RNF135: variants seen among roughly 807,000 people sequenced by gnomAD.
RNF135 encodes the protein ring finger protein 135.
Under a neutral mutation model 41.9 loss-of-function variants are expected in RNF135, and 46 were observed. The ratio of observed to expected loss-of-function variants is 1.10; its 90% CI spans 0.87 to 1.40. RNF135 has a LOEUF of 1.40. RNF135 is among the 40% of genes most tolerant of loss of function. RNF135 has a pLI of 0.00. For synonymous variants in RNF135, 238 were observed against 223.8 expected (o/e 1.06, Z -0.57); for missense variants, 539 against 549.8 (o/e 0.98, Z 0.20).
At chr17:30,985,161 G>A (rs1907498117) in intron 2 of RNF135, among the ~76,000 whole-genome samples, 1 of 152,168 alleles carries the variant, frequency 6.6e-6, no homozygotes, top group Non-Finnish European at 1.5e-5. Context: ...ATCCTTCTCA[G>A]TCTGTTTACA....
upstream of RNF135, chr17:30,971,033 C>T: frequency 6.5e-7 from 1 of 1,532,900 alleles, no homozygotes; most frequent in Non-Finnish European, 8.7e-7. Context: ...GAGACTCGCC[C>T]GGCTCAACCC....
intron 3 of RNF135, among the ~76,000 whole-genome samples, 196 bp downstream of exon 3, chr17:30,988,302 A>G (rs1470803574): frequency 6.6e-6 from 1 of 150,950 alleles, no homozygotes; most frequent in Non-Finnish European, 1.5e-5. Flanking sequence ...TGAAGGTGTG[A>G]TGTATCACAA....
At chr17:30,981,463 T>G in intron 1 of RNF135, among the ~76,000 whole-genome samples, 1 of 152,252 alleles carries the variant, frequency 6.6e-6, no homozygotes, top group East Asian at 1.9e-4. Context: ...TTCTCTGTTA[T>G]CTTGAATGTC....
chr17:30,961,600 C>T, the RNF135 span, among the ~76,000 whole-genome samples: 2 of 151,990 alleles, frequency 1.3e-5, no homozygotes, highest in Non-Finnish European at 2.9e-5. Context: ...GTAGCTGGGA[C>T]CACAGGCACA....
At chr17:30,975,334 A>G in intron 1 of RNF135, 2 of 688,554 alleles carry the variant, frequency 2.9e-6, no homozygotes, top group East Asian at 2.5e-5. Flanking sequence ...CCTTAAAAAA[A>G]TATTGCTACT....
the RNF135 span, among the ~76,000 whole-genome samples, chr17:30,960,472 T>C: frequency 6.6e-6 from 1 of 150,384 alleles, no homozygotes; most frequent in South Asian, 2.1e-4. Flanking sequence ...AAGGCTGAAC[T>C]CCCACTTAAG....
the RNF135 span, among the ~76,000 whole-genome samples, chr17:30,960,849 C>G: frequency 6.6e-6 from 1 of 151,338 alleles, no homozygotes; most frequent in Non-Finnish European, 1.5e-5. Flanking sequence ...ACGCCATTCT[C>G]CTGCCTCAGC....
chr17:30,998,108 G>A (rs1361007447), intron 4 of RNF135, among the ~76,000 whole-genome samples: 1 of 152,204 alleles, frequency 6.6e-6, no homozygotes, highest in Non-Finnish European at 1.5e-5. Context: ...ACAGGAGTTG[G>A]CCATGATGGC....
intron 2 of RNF135, 27 bp from the exon 3 acceptor site, chr17:30,987,917 A>G (rs770598990): frequency 1.9e-6 from 3 of 1,605,236 alleles, no homozygotes; most frequent in Admixed American, 1.7e-5. Context: ...ACTTCCATTT[A>G]TTCAGTTTTA....
At chr17:30,996,153 G>A (rs1326198388) in intron 3 of RNF135, among the ~76,000 whole-genome samples, 5 of 143,538 alleles carry the variant, frequency 3.5e-5, no homozygotes, top group East Asian at 4.1e-4. Flanking sequence ...TCAGTGGTGC[G>A]ATCTCGGCTG....
rs58023443 is a variant in RNF135, at chr17:30,993,040, T to TTTATTATTATTATTATTA, written c.680-4186_680-4169dup. ...ATCCTAGTGCATTTTGTTTTATTTG[T>TTTATTATTATTATTATTA]TTATTATTATTATTATTATTATTAT... On this transcript the variant is annotated intron_variant, in intron 3 of 4. Transcript: ENST00000328381. Among the ~76,000 whole-genome samples, 62 of 146,294 alleles carry TTTATTATTATTATTATTA rather than the reference T, an allele frequency of 4.2e-4. 1 individual carries two copies. Among genetic ancestry groups the TTTATTATTATTATTATTA allele is most frequent in the African/African-American group, 1.5e-3 (59 of 38,768 alleles).
chr17:30,974,602 G>A (rs1314918599), intron 1 of RNF135, among the ~76,000 whole-genome samples: 1 of 145,336 alleles, frequency 6.9e-6, no homozygotes, highest in African/African-American at 2.6e-5. Context: ...TTTTTTTTTT[G>A]TAGTTTTAAG....
chr17:30,964,243 G>C, the RNF135 span, among the ~76,000 whole-genome samples: 2 of 151,946 alleles, frequency 1.3e-5, no homozygotes, highest in Non-Finnish European at 2.9e-5. Context: ...CAAAAAATTA[G>C]CTGGGCGTGG....
At chr17:30,983,525 T>A (rs999033436) in intron 1 of RNF135, among the ~76,000 whole-genome samples, 1 of 150,854 alleles carries the variant, frequency 6.6e-6, no homozygotes, top group Non-Finnish European at 1.5e-5. Flanking sequence ...GGTGAATTTT[T>A]GTATTTTTAG....
At position 30,999,132 on chromosome 17, in the gene RNF135, T is replaced by C. The variant is rs201019019; in HGVS notation, c.1240T>C (p.Phe414Leu). 7 of 1,614,190 alleles carry C rather than the reference T, an allele frequency of 4.3e-6. No individual in the cohort carries two copies. The South Asian group carries it at 5.5e-5, about 13-fold the overall frequency. ...TGCCTCCTCTCCTTTGTACCCTGCC[T>C]TCTGGCTGTATGGCTTACATCCTGG... ...ISASSPLYPAFWLYGLHPGNY... is the reference protein window; with the variant it reads ...ISASSPLYPALWLYGLHPGNY... The change falls in exon 5 of 5, where the codon TTC (phenylalanine) becomes CTC (leucine). Residue 414 changes from phenylalanine to leucine, a missense_variant. By Grantham distance (22) the Phe-to-Leu change is conservative. Around this residue, in one of 2 missense-constraint regions of RNF135, gnomAD observed 262 missense variants for 336.9 expected, o/e 0.78. Coordinates refer to ENST00000328381, the MANE Select transcript of RNF135 (RefSeq NM_032322.4).
At chr17:30,982,877 A>G (rs948746439) in intron 1 of RNF135, among the ~76,000 whole-genome samples, 1 of 152,174 alleles carries the variant, frequency 6.6e-6, no homozygotes, top group African/African-American at 2.4e-5. Context: ...AACTCTTTTC[A>G]ACTCGCAAAA....
chr17:30,971,475 G>A (rs1237497233), intron 1 of RNF135, 30 bp downstream of exon 1: 1 of 1,463,820 alleles, frequency 6.8e-7, no homozygotes, highest in Non-Finnish European at 8.9e-7. Context: ...AGCTCCCCTG[G>A]CTCCCCCGGG....
chr17:30,982,743 C>T (rs1433590898), intron 1 of RNF135, among the ~76,000 whole-genome samples: 1 of 152,114 alleles, frequency 6.6e-6, no homozygotes, highest in Non-Finnish European at 1.5e-5. Context: ...TGGCCCTAAA[C>T]CATTTTTAAG....
chr17:30,960,439 T>A, the RNF135 span, among the ~76,000 whole-genome samples: 1 of 148,926 alleles, frequency 6.7e-6, no homozygotes, highest in Non-Finnish European at 1.5e-5. Flanking sequence ...CATGGTGGCA[T>A]GTGCCTGTAG....
Sources: allele counts gnomAD v4.1 joint callset (sites outside exome capture counted in the v4.1 genomes callset), GRCh38; gene constraint gnomAD v4.1.1; regional missense constraint gnomAD v4.1.1; transcripts MANE v1.5; gene names NCBI Gene and HGNC (gene_info 2026-07-23, HGNC 2026-07-21).